EFTUD2: variants seen among roughly 807,000 people sequenced by gnomAD.
EFTUD2 encodes the protein 116 kDa U5 small nuclear ribonucleoprotein component.
Under a neutral mutation model 114.3 loss-of-function variants are expected in EFTUD2, and 9 were observed. The ratio of observed to expected loss-of-function variants is 0.08; its 90% CI spans 0.05 to 0.14. EFTUD2 has a LOEUF of 0.14. Among genes scored for constraint, EFTUD2 ranks in the 10% least tolerant of loss-of-function variants. The pLI, the probability that EFTUD2 is intolerant of heterozygous loss-of-function variation, is 1.00. For missense variants in EFTUD2, 765 were observed against 1,241.2 expected (o/e 0.62, Z 5.76); for synonymous variants, 449 against 462.3 (o/e 0.97, Z 0.37).
intron 2 of EFTUD2, among the ~76,000 whole-genome samples, chr17:44,887,519 T>C (rs1375277914): frequency 6.6e-6 from 1 of 152,218 alleles, no homozygotes; most frequent in African/African-American, 2.4e-5. Context: ...GCTATAGGTA[T>C]ATACATGCTA....
chr17:44,853,312 C>T lies in EFTUD2; in HGVS notation c.2545G>A (p.Val849Ile), dbSNP rs372197313. 15 of 1,613,862 alleles carry T rather than the reference C, an allele frequency of 9.3e-6. No individual in the cohort carries two copies. The highest frequency in any genetic ancestry group is 1.1e-5 in the South Asian group (1 of 91,088). The change falls in exon 25 of 28, where the codon GTC becomes ATC. Residue 849 changes from valine (V) to isoleucine (I), a missense_variant. Physicochemically the swap from Val to Ile is conservative, Grantham distance 29. Transcript: ENST00000426333. The stretch of plus-strand genomic sequence containing the variant: ...GCCGCTCACCTGCGCCTGGCCAGGA[C>T]GGTATAAACTGCAGAGACGCAATCT... ...PADCVSAVYT[V>I]LARRRGHVTQ...
Position 44,850,207 on chromosome 17 carries a change from G to T in EFTUD2, c.*1067C>A. The T allele has an allele frequency of 1.5e-6, 1 of 679,948 alleles. No homozygotes were observed. Among genetic ancestry groups the T allele is most frequent in the Non-Finnish European group, 2.5e-6 (1 of 399,058 alleles). The allele number at this position is 679,948 out of a possible 1,614,324, so 42.1% of individuals were successfully genotyped here. Reference sequence around the variant, plus strand: ...GAAGCAGCTGTTGGGACCTGGGGCAGAAAGATGAGCGGGAAGCTGGACTCT... The same window carrying T: ...GAAGCAGCTGTTGGGACCTGGGGCATAAAGATGAGCGGGAAGCTGGACTCT... On this transcript the variant is annotated 3_prime_UTR_variant, in exon 28 of 28. Transcript: ENST00000426333.
chr17:44,882,090 A>G (rs1380500044), intron 6 of EFTUD2, among the ~76,000 whole-genome samples: 4 of 151,838 alleles, frequency 2.6e-5, no homozygotes, highest in Non-Finnish European at 5.9e-5. Flanking sequence ...GTGCGCCACC[A>G]TGCTCAGCTA....
chr17:44,898,927 G>C (rs2051454417), intron 1 of EFTUD2: 1 of 152,194 alleles, frequency 6.6e-6, no homozygotes, highest in Non-Finnish European at 1.5e-5. Flanking sequence ...ACAGAATATA[G>C]CTGATTTGCC....
At chr17:44,861,861 T>G (rs1020408623) in intron 16 of EFTUD2, among the ~76,000 whole-genome samples, 2 of 152,162 alleles carry the variant, frequency 1.3e-5, no homozygotes, top group East Asian at 3.9e-4. Context: ...GGAACACGAA[T>G]GCTTTGGTTT....
intron 2 of EFTUD2, among the ~76,000 whole-genome samples, chr17:44,892,550 G>A (rs1352244629): frequency 6.6e-6 from 1 of 151,150 alleles, no homozygotes; most frequent in African/African-American, 2.4e-5. Context: ...GAGAACAAAG[G>A]AAACCTTTCT....
intron 1 of EFTUD2, among the ~76,000 whole-genome samples, chr17:44,897,896 A>G (rs1019255421): frequency 6.6e-6 from 1 of 152,146 alleles, no homozygotes; most frequent in African/African-American, 2.4e-5. Flanking sequence ...TTGAGAAAAA[A>G]GTACCAATGC....
At position 44,864,921 on chromosome 17, in the gene EFTUD2, C is replaced by T. The variant is rs1323889558; in HGVS notation, c.1285+9G>A. On this transcript the variant is annotated intron_variant, in intron 14 of 27. Transcript: ENST00000426333. ...TGACAGAGTTAAGGGGCCACGAGCA[C>T]ATTATTACCTGTGAACTCGCCAAAG... is the stretch of plus-strand genomic sequence containing the variant. 3 of 1,614,040 alleles carry T rather than the reference C, an allele frequency of 1.9e-6. No homozygotes were observed. Among genetic ancestry groups the T allele is most frequent in the Non-Finnish European group, 1.7e-6 (2 of 1,179,938 alleles).
Position 44,854,134 on chromosome 17 carries a change from C to G in EFTUD2, c.2347+135G>C. On this transcript the variant is annotated intron_variant, in intron 23 of 27. Transcript: ENST00000426333. The surrounding 1 kb of genome is among the most constrained non-coding windows in gnomAD (Gnocchi z 4.3). ...AGGAAGGAAAAGGGAAGAAGCTGGC[C>G]CAGGACTTGGGATGGTCCTGTGTAC... 3 of 1,412,184 alleles carry G rather than the reference C, an allele frequency of 2.1e-6. No homozygotes were observed. The South Asian group carries it at 4.6e-5, about 22-fold the overall frequency. 87.5% of individuals were successfully genotyped at this position (1,412,184 alleles called of 1,614,324 possible).
rs2050432395 is a variant in EFTUD2 at position 44,850,703 on chromosome 17, T to C, written c.*571A>G. ...TCTTAGGTTCCACCCAGAAGCAGCA[T>C]GGAGTGGGAGCAAGGGGGCAATAAT... On this transcript the variant is annotated 3_prime_UTR_variant, in exon 28 of 28. Transcript: ENST00000426333. The C allele has an allele frequency of 6.8e-6, 2 of 295,402 alleles. No individual in the cohort carries two copies. Among genetic ancestry groups the C allele is most frequent in the East Asian group, 1.2e-4 (2 of 17,174 alleles). The allele number at this position is 295,402 out of a possible 1,614,324, so 18.3% of individuals were successfully genotyped here.
intron 13 of EFTUD2, among the ~76,000 whole-genome samples, chr17:44,865,425 A>G (rs2050728407): frequency 6.6e-6 from 1 of 152,170 alleles, no homozygotes; most frequent in Non-Finnish European, 1.5e-5. Context: ...TTAGAGGATC[A>G]TTGTGCACTG....
intron 11 of EFTUD2, among the ~76,000 whole-genome samples, chr17:44,871,264 A>AT (rs2050849269): frequency 1.3e-5 from 2 of 151,840 alleles, no homozygotes; most frequent in South Asian, 4.2e-4. Context: ...GGCTCAAGTG[A>AT]TCCGCCTGCC....
intron 13 of EFTUD2, among the ~76,000 whole-genome samples, chr17:44,866,640 A>G (rs1330700908): frequency 2.6e-5 from 4 of 152,072 alleles, no homozygotes; most frequent in Non-Finnish European, 5.9e-5. Context: ...TGGCCTCCCA[A>G]AGCGTCTGGA....
At position 44,859,896 on chromosome 17, in the gene EFTUD2, T is replaced by C. The variant is rs1250799713; in HGVS notation, c.1860+9A>G. ...GGGGCTTGGCGGCTGCTGCAGGCCA[T>C]GGGCATACCTTGGTGGTGAGGGATG... On this transcript the variant is annotated intron_variant, in intron 18 of 27. Transcript: ENST00000426333. The C allele has an allele frequency of 6.2e-7, 1 of 1,614,066 alleles. No homozygotes were observed. Among genetic ancestry groups the C allele is most frequent in the Non-Finnish European group, 8.5e-7 (1 of 1,180,026 alleles).
chr17:44,888,993 G>A (rs2145565707), intron 2 of EFTUD2, among the ~76,000 whole-genome samples: 1 of 152,296 alleles, frequency 6.6e-6, no homozygotes, highest in South Asian at 2.1e-4. Flanking sequence ...CAGAGAAGAC[G>A]TCTGAGGAAT....
At position 44,899,420 on chromosome 17, in the gene EFTUD2, C is replaced by G. The variant is rs1226005602; in HGVS notation, c.-56G>C. On this transcript the variant is annotated 5_prime_UTR_variant, in exon 1 of 28. Transcript: ENST00000426333. ...CAGGCCGCTGCCGGAGATCGTGCTTCCGCCCCACGCCGAGGAAACGCCTGC... is the reference window on the plus strand; with the variant it reads ...CAGGCCGCTGCCGGAGATCGTGCTTGCGCCCCACGCCGAGGAAACGCCTGC... 1 of 152,450 alleles carries G rather than the reference C, an allele frequency of 6.6e-6. No homozygotes were observed. Among genetic ancestry groups the G allele is most frequent in the Non-Finnish European group, 1.5e-5 (1 of 68,236 alleles). The allele number at this position is 152,450 out of a possible 1,614,324, so 9.4% of individuals were successfully genotyped here. A position where few individuals can be genotyped will look rare whatever the true frequency, so the allele number is the denominator to read the frequency against.
At chr17:44,891,939 T>C (rs915362709) in intron 2 of EFTUD2, 3 of 152,042 alleles carry the variant, frequency 2.0e-5, no homozygotes, top group Non-Finnish European at 2.9e-5. Flanking sequence ...TTTGTATTTT[T>C]AGTAGAGACG....
At chr17:44,860,765 AATTTTTGT>A (rs1014796400) in intron 16 of EFTUD2, among the ~76,000 whole-genome samples, 7 of 151,700 alleles carry the variant, frequency 4.6e-5, no homozygotes, top group Non-Finnish European at 8.8e-5. Context: ...ATGCCCAACT[AATTTTTGT>A]ATTTTTGTAG....
chr17:44,854,780 C>T lies in EFTUD2; in HGVS notation c.2133-98G>A. On this transcript the variant is annotated intron_variant, in intron 21 of 27. Coordinates refer to ENST00000426333, the MANE Select transcript of EFTUD2 (RefSeq NM_004247.4). This position sits in a 1 kb window ranked among gnomAD's most constrained non-coding sequence, Gnocchi z 4.3. ...CTTCCTGGAAGACAGTCACTTCATC[C>T]TACCCACTGTGCCCAGAACAAGAGC... 4 of 1,578,342 alleles carry T rather than the reference C, an allele frequency of 2.5e-6. No homozygotes were observed. Among genetic ancestry groups the T allele is most frequent in the Middle Eastern group, 2.0e-4 (1 of 5,048 alleles).
Sources: allele counts gnomAD v4.1 joint callset (sites outside exome capture counted in the v4.1 genomes callset), GRCh38; gene constraint gnomAD v4.1.1; non-coding constraint Gnocchi (gnomAD v3.1); transcripts MANE v1.5; gene names NCBI Gene and HGNC (gene_info 2026-07-23, HGNC 2026-07-21).